Variants in GNG2 observed in about 807,000 individuals in gnomAD.
GNG2 encodes G protein subunit gamma 2.
GNG2 carries 5 observed loss-of-function variants against 5.5 expected under a neutral mutation model. The ratio of observed to expected loss-of-function variants is 0.91; its 90% CI spans 0.48 to 1.92. The LOEUF is 1.92. Ranked by LOEUF, GNG2 falls within the 30% of genes most tolerant of loss-of-function variation. The pLI, the probability that GNG2 is intolerant of heterozygous loss-of-function variation, is 0.01. For synonymous variants in GNG2, 28 were observed against 32.0 expected (o/e 0.88, Z 0.42); for missense variants, 55 against 88.4 (o/e 0.62, Z 1.52).
rs1435149769 is a variant in GNG2, at chr14:51,957,016, G to A, written c.87+6251G>A. Among the ~76,000 whole-genome samples, 68 of 135,824 alleles carry A rather than the reference G, an allele frequency of 5.0e-4. 2 individuals are homozygous for A. Among genetic ancestry groups the A allele is most frequent in the African/African-American group, 1.3e-3 (46 of 34,204 alleles). The allele number at this position is 135,824 out of a possible 152,430, so 89.1% of individuals were successfully genotyped here. A position where few individuals can be genotyped will look rare whatever the true frequency, so the allele number is the denominator to read the frequency against. On this transcript the variant is annotated intron_variant, in intron 3 of 3. Transcript: ENST00000556766. ...TCTAGAGTACCACCTGCCCCACCCC[G>A]CCACCCCCACAACTCCTTACTTCCC...
intron 2 of GNG2, among the ~76,000 whole-genome samples, chr14:51,883,903 GT>G (rs1398935872): frequency 2.6e-5 from 4 of 151,728 alleles, no homozygotes; most frequent in Non-Finnish European, 4.4e-5. Flanking sequence ...TTTTAGTTAG[GT>G]TTTTTTAATC....
chr14:51,965,933 G>T (rs893970889), intron 3 of GNG2, among the ~76,000 whole-genome samples: 1 of 152,016 alleles, frequency 6.6e-6, no homozygotes, highest in African/African-American at 2.4e-5. Flanking sequence ...GGAGGGCCGG[G>T]CACAGTGGCT....
intron 2 of GNG2, among the ~76,000 whole-genome samples, chr14:51,850,629 T>A (rs1881862381): frequency 6.6e-6 from 1 of 152,218 alleles, no homozygotes; most frequent in African/African-American, 2.4e-5. Flanking sequence ...GACTGGATAA[T>A]TTATAAAGAA....
chr14:51,918,324 A>AT (rs991252199), intron 2 of GNG2, among the ~76,000 whole-genome samples: 1 of 152,112 alleles, frequency 6.6e-6, no homozygotes, highest in African/African-American at 2.4e-5. Flanking sequence ...GGTTGTCCTC[A>AT]TGTAGACATG....
chr14:51,928,036 T>TC, intron 2 of GNG2, among the ~76,000 whole-genome samples: 1 of 146,996 alleles, frequency 6.8e-6, no homozygotes, highest in East Asian at 2.0e-4. Context: ...CTTTTTTTTT[T>TC]TTTTTTTTTT....
intron 2 of GNG2, among the ~76,000 whole-genome samples, chr14:51,914,534 T>G (rs1485036204): frequency 6.6e-6 from 1 of 152,228 alleles, no homozygotes; most frequent in Non-Finnish European, 1.5e-5. Context: ...TCGGCAGTTT[T>G]GTATCTATTT....
chr14:51,862,481 A>G (rs1566650220), intron 1 of GNG2, among the ~76,000 whole-genome samples: 1 of 152,256 alleles, frequency 6.6e-6, no homozygotes. Flanking sequence ...CAAGCTGTGC[A>G]TCATGAAATG....
chr14:51,883,686 T>A (rs1884251455), intron 2 of GNG2, among the ~76,000 whole-genome samples: 1 of 152,190 alleles, frequency 6.6e-6, no homozygotes, highest in African/African-American at 2.4e-5. Context: ...TTCGTAGAGA[T>A]GAAAACTAGA....
intron 2 of GNG2, among the ~76,000 whole-genome samples, chr14:51,844,636 C>G (rs927002870): frequency 6.6e-6 from 1 of 152,154 alleles, no homozygotes; most frequent in African/African-American, 2.4e-5. Flanking sequence ...ATTGGTGGTT[C>G]CTTCCCGGGA....
At chr14:51,942,914 AAAG>A (rs1238211450) in intron 2 of GNG2, among the ~76,000 whole-genome samples, 3 of 152,086 alleles carry the variant, frequency 2.0e-5, no homozygotes, top group African/African-American at 7.2e-5. Flanking sequence ...TTGTTGTACC[AAAG>A]AATGTCACTC....
At chr14:51,963,895 T>C (rs1244713895) in intron 3 of GNG2, among the ~76,000 whole-genome samples, 1 of 152,378 alleles carries the variant, frequency 6.6e-6, no homozygotes, top group South Asian at 2.1e-4. Context: ...AGTACTGTAA[T>C]GTCTATTAAA....
intron 1 of GNG2, among the ~76,000 whole-genome samples, chr14:51,876,163 T>C (rs1883650003): frequency 6.6e-6 from 1 of 152,134 alleles, no homozygotes; most frequent in African/African-American, 2.4e-5. Context: ...GGTCTCAAAC[T>C]CCTGGACACA....
At chr14:51,849,806 T>G (rs1242716217) in intron 2 of GNG2, among the ~76,000 whole-genome samples, 1 of 3,308 alleles carries the variant, frequency 3.0e-4, no homozygotes, top group Non-Finnish European at 7.8e-3. Context: ...AAGCAAATGC[T>G]TTTTTTTTTT....
intron 2 of GNG2, among the ~76,000 whole-genome samples, chr14:51,919,688 TG>T (rs1242409261): frequency 2.6e-5 from 4 of 152,220 alleles, no homozygotes; most frequent in African/African-American, 9.6e-5. Flanking sequence ...GATTGAGACT[TG>T]TTTGTTTGAA....
At chr14:51,843,004 G>C (rs1398955038) in intron 2 of GNG2, among the ~76,000 whole-genome samples, 2 of 152,148 alleles carry the variant, frequency 1.3e-5, no homozygotes, top group African/African-American at 4.8e-5. Flanking sequence ...TCTCCCTCTG[G>C]AGAACTCTGC....
chr14:51,899,037 C>A (rs570968608), intron 2 of GNG2, among the ~76,000 whole-genome samples: 6 of 152,250 alleles, frequency 3.9e-5, no homozygotes, highest in Non-Finnish European at 5.9e-5. Flanking sequence ...CTTTCTGGGA[C>A]CCCCATCTCT....
intron 2 of GNG2, among the ~76,000 whole-genome samples, chr14:51,881,701 C>CTTTTTTTTTTTTTTTTTT (rs58544362): frequency 9.6e-6 from 1 of 104,222 alleles, no homozygotes; most frequent in African/African-American, 3.7e-5. Context: ...AGCTGGAAGA[C>CTTTTTTTTTTTTTTTTTT]TTTTTTTTTT....
chr14:51,848,779 G>T (rs1881762365), intron 2 of GNG2, among the ~76,000 whole-genome samples: 1 of 152,194 alleles, frequency 6.6e-6, no homozygotes, highest in Non-Finnish European at 1.5e-5. Context: ...GCAGAGATTT[G>T]CAGTCCTGGA....
At chr14:51,934,849 T>G (rs1238254206) in intron 2 of GNG2, among the ~76,000 whole-genome samples, 10 of 152,288 alleles carry the variant, frequency 6.6e-5, no homozygotes, top group Non-Finnish European at 1.5e-5. Context: ...TCCACACAAT[T>G]ATCTGTTTCT....
Sources: gnomAD v4.1 joint callset for allele counts (sites outside exome capture counted in the v4.1 genomes callset) on GRCh38, gnomAD v4.1.1 for gene constraint, MANE v1.5 for transcripts, NCBI Gene and HGNC (gene_info 2026-07-23, HGNC 2026-07-21) for gene names.